The following CAST variants were observed in gnomAD, a reference collection of about 807,000 sequenced individuals.
CAST encodes MIR583 host.
A neutral mutation model predicts 119.6 loss-of-function variants in CAST; 76 were observed. That is an observed-to-expected ratio of 0.64 (90% CI 0.53 to 0.77). The LOEUF (loss-of-function observed/expected upper bound fraction) is 0.77. Ranked by LOEUF, CAST falls within the 30% of genes least tolerant of loss-of-function variation. The probability of loss-of-function intolerance (pLI) is 0.00; values close to 1 mark genes in which losing one functional copy is unlikely to be tolerated. For missense variants in CAST, 953 were observed against 946.5 expected (o/e 1.01, Z -0.09); for synonymous variants, 319 against 331.6 (o/e 0.96, Z 0.41).
rs116281297 is a variant in CAST, at chr5:96,619,532, G to T, written c.61-56007G>T. Among the ~76,000 whole-genome samples, 988 of 152,364 alleles carry T rather than the reference G, an allele frequency of 6.5e-3. 9 individuals carry two copies. The highest frequency in any genetic ancestry group is 0.023 in the African/African-American group (939 of 41,596). On this transcript the variant is annotated intron_variant, in intron 1 of 11. Transcript: ENST00000505143. ...GCAACCTGCTGGGTCCTCTTCCACA[G>T]TGTGGTAGCTTTGTTCTTTTGCTTT...
At chr5:96,089,066 CTTTTTTTTTT>C in the CAST span, among the ~76,000 whole-genome samples, 7 of 117,706 alleles carry the variant, frequency 5.9e-5, no homozygotes, top group African/African-American at 1.2e-4. Flanking sequence ...CTCCAAAAAT[CTTTTTTTTTT>C]TTTTTTTTTT....
chr5:96,115,272 G>A, the CAST span, among the ~76,000 whole-genome samples: 1,322 of 152,130 alleles, frequency 8.7e-3, 19 homozygotes, highest in African/African-American at 0.03. Context: ...GTTGTTATTC[G>A]TTCTCTTTCT....
chr5:96,055,790 A>G, the CAST span, among the ~76,000 whole-genome samples: 1 of 152,102 alleles, frequency 6.6e-6, no homozygotes, highest in East Asian at 1.9e-4. Context: ...CTTTAATTCT[A>G]TATCAGTAAT....
the CAST span, among the ~76,000 whole-genome samples, chr5:96,053,371 A>G: frequency 1.3e-5 from 2 of 152,080 alleles, no homozygotes; most frequent in Admixed American, 6.5e-5. Flanking sequence ...CATTACCTAT[A>G]ATTTGATTTT....
In CAST at chr5:96,731,324, A is replaced by G. The variant is rs138911308; in HGVS notation, c.630+464A>G. 1.7e-4 allele frequency among the ~76,000 whole-genome samples: 26 copies of G among 152,260 alleles called. No homozygotes were observed. In the East Asian group the frequency reaches 5.0e-3, roughly 29 times the overall value. On this transcript the variant is annotated intron_variant, in intron 9 of 31. Coordinates refer to ENST00000675179, the MANE Select transcript of CAST (RefSeq NM_001750.7). ...TTCAAGTCCTCTCAGGATGAAGTAGATGTGTTGAGCTGGGTGATTGTGGGC... is the reference window on the plus strand; with the variant it reads ...TTCAAGTCCTCTCAGGATGAAGTAGGTGTGTTGAGCTGGGTGATTGTGGGC...
At chr5:96,502,540 A>G in the CAST span, among the ~76,000 whole-genome samples, 1 of 152,056 alleles carries the variant, frequency 6.6e-6, no homozygotes, top group Non-Finnish European at 1.5e-5. Context: ...GAACAATTCA[A>G]AGATGTATAA....
At chr5:95,993,675 A>G in the CAST span, among the ~76,000 whole-genome samples, 1 of 152,200 alleles carries the variant, frequency 6.6e-6, no homozygotes, top group Non-Finnish European at 1.5e-5. Flanking sequence ...TGTGAAAGGT[A>G]CATTAAGAAA....
rs767917006 is a variant in CAST, at chr5:96,729,604, A to G, written c.436-8A>G. The G allele has an allele frequency of 4.1e-6, 5 of 1,227,822 alleles. No individual in the cohort carries two copies. Among genetic ancestry groups the G allele is most frequent in the Non-Finnish European group, 4.8e-6 (4 of 828,260 alleles). 76.1% of individuals were successfully genotyped at this position (1,227,822 alleles called of 1,614,324 possible). ...TATGTGTGTGGGCACCTGTGTGTGTACTTTCAGCCAAAAAGCCTACCCAAG... is the reference window on the plus strand; with the variant it reads ...TATGTGTGTGGGCACCTGTGTGTGTGCTTTCAGCCAAAAAGCCTACCCAAG... On this transcript the variant is annotated splice_region_variant and splice_polypyrimidine_tract_variant and intron_variant, in intron 7 of 31. Coordinates refer to ENST00000675179, the MANE Select transcript of CAST (RefSeq NM_001750.7).
chr5:95,988,886 T>C, the CAST span, among the ~76,000 whole-genome samples: 1 of 152,170 alleles, frequency 6.6e-6, no homozygotes, highest in Non-Finnish European at 1.5e-5. Flanking sequence ...TATGACACTT[T>C]TAACTTCAGC....
intron 4 of CAST, among the ~76,000 whole-genome samples, chr5:96,725,370 G>A (rs1390421121): frequency 6.6e-6 from 1 of 152,208 alleles, no homozygotes; most frequent in Non-Finnish European, 1.5e-5. Flanking sequence ...CAAGTGTCCA[G>A]ATGGGATTGT....
chr5:96,168,643 C>T, the CAST span, among the ~76,000 whole-genome samples: 3 of 151,998 alleles, frequency 2.0e-5, no homozygotes, highest in Admixed American at 2.0e-4. Flanking sequence ...ATCAATAATC[C>T]AAATGTGATC....
chr5:96,229,323 C>A, the CAST span, among the ~76,000 whole-genome samples: 1 of 151,408 alleles, frequency 6.6e-6, no homozygotes, highest in Non-Finnish European at 1.5e-5. Flanking sequence ...CATAGGCCAT[C>A]AAATGACCTT....
the CAST span, among the ~76,000 whole-genome samples, chr5:96,289,380 C>T: frequency 6.6e-6 from 1 of 152,156 alleles, no homozygotes; most frequent in East Asian, 1.9e-4. Flanking sequence ...ATTGTAGTTC[C>T]CATAATGCCC....
chr5:95,997,446 G>A, the CAST span, among the ~76,000 whole-genome samples: 1 of 151,326 alleles, frequency 6.6e-6, no homozygotes, highest in African/African-American at 2.4e-5. Flanking sequence ...CTTAATCACA[G>A]TGCTCCAGAT....
chr5:96,704,744 G>T (rs148725249), intron 3 of CAST, among the ~76,000 whole-genome samples: 1 of 152,048 alleles, frequency 6.6e-6, no homozygotes, highest in Non-Finnish European at 1.5e-5. Flanking sequence ...AGAACATATC[G>T]CATAGTTTTT....
At chr5:96,392,250 T>A in the CAST span, 2 of 138,954 alleles carry the variant, frequency 1.4e-5, no homozygotes, top group African/African-American at 5.6e-5. Context: ...GAGACAGGTA[T>A]AGAAAACTTT....
chr5:96,469,328 C>T, the CAST span, among the ~76,000 whole-genome samples: 1 of 152,016 alleles, frequency 6.6e-6, no homozygotes, highest in African/African-American at 2.4e-5. Context: ...AAACACCTGT[C>T]ACAATACATT....
At chr5:96,583,814 A>G (rs1202662957) in intron 1 of CAST, among the ~76,000 whole-genome samples, 1 of 152,194 alleles carries the variant, frequency 6.6e-6, no homozygotes, top group African/African-American at 2.4e-5. Context: ...TTGATTTTTC[A>G]GTAAATCCTG....
chr5:96,118,262 G>A, the CAST span, among the ~76,000 whole-genome samples: 1 of 151,670 alleles, frequency 6.6e-6, no homozygotes, highest in Non-Finnish European at 1.5e-5. Flanking sequence ...CCAGTTAATT[G>A]GTTAATGTTT....
Sources: gnomAD v4.1 joint callset for allele counts (sites outside exome capture counted in the v4.1 genomes callset) on GRCh38, gnomAD v4.1.1 for gene constraint, MANE v1.5 for transcripts, NCBI Gene and HGNC (gene_info 2026-07-23, HGNC 2026-07-21) for gene names.